Variants in MMP16 observed in about 807,000 individuals in gnomAD.
MMP16 encodes matrix metalloproteinase-16.
In MMP16, 12 loss-of-function variants were observed where a neutral mutation model predicts 67.8. The observed-to-expected ratio is 0.18, with a 90% confidence interval of 0.11 to 0.29. The LOEUF (loss-of-function observed/expected upper bound fraction) is 0.29. Ranked by LOEUF, MMP16 falls within the 10% of genes least tolerant of loss-of-function variation. The pLI is 1.00. For synonymous variants in MMP16, 249 were observed against 255.9 expected, an observed-to-expected ratio of 0.97 and a Z score of 0.26; for missense variants, 475 against 765.7, an observed-to-expected ratio of 0.62 and a Z score of 4.48.
In MMP16 at chr8:88,273,022, A is replaced by T. The variant is rs144560411; in HGVS notation, c.132+54053T>A. ...CAAACAAATCATGTCAGAAAAAGAA[A>T]AACAAAAAAAAAGAAAAAAAAAAAG... is the stretch of plus-strand genomic sequence containing the variant. On this transcript the variant is annotated intron_variant, in intron 1 of 9. Transcript: ENST00000286614. Among the ~76,000 whole-genome samples, 801 of 151,646 alleles carry T rather than the reference A, an allele frequency of 5.3e-3. 9 individuals are homozygous for T. Among genetic ancestry groups the T allele is most frequent in the African/African-American group, 0.019 (765 of 40,968 alleles).
At chr8:88,043,244 G>C (rs916581943) in intron 9 of MMP16, among the ~76,000 whole-genome samples, 3 of 152,096 alleles carry the variant, frequency 2.0e-5, no homozygotes, top group African/African-American at 7.2e-5. Context: ...TCTAGAGACT[G>C]TACACTTAAT....
chr8:88,309,424 T>C (rs1038466386), intron 1 of MMP16, among the ~76,000 whole-genome samples: 2 of 150,762 alleles, frequency 1.3e-5, no homozygotes, highest in Non-Finnish European at 3.0e-5. Context: ...AGAAAGTCTA[T>C]AAAGAGGGAG....
intron 4 of MMP16, among the ~76,000 whole-genome samples, chr8:88,132,065 A>G (rs1361751753): frequency 2.0e-5 from 3 of 151,882 alleles, no homozygotes; most frequent in Middle Eastern, 3.4e-3. Flanking sequence ...GTCCTGCTCT[A>G]TTTTGTTAGT....
chr8:88,275,883 T>C (rs1810642074), intron 1 of MMP16, among the ~76,000 whole-genome samples: 1 of 152,006 alleles, frequency 6.6e-6, no homozygotes, highest in Admixed American at 6.6e-5. Flanking sequence ...ATCCAATTTT[T>C]TTAGCCTTGT....
intron 1 of MMP16, among the ~76,000 whole-genome samples, chr8:88,286,466 C>A (rs1026429007): frequency 6.6e-6 from 1 of 152,122 alleles, no homozygotes; most frequent in African/African-American, 2.4e-5. Flanking sequence ...ATGCCTCAAA[C>A]TCCATATGTT....
chr8:88,260,943 T>C (rs933548591), intron 1 of MMP16, among the ~76,000 whole-genome samples: 4 of 152,164 alleles, frequency 2.6e-5, no homozygotes, highest in Non-Finnish European at 5.9e-5. Flanking sequence ...AATATATTAA[T>C]TTGCAAATTT....
intron 1 of MMP16, among the ~76,000 whole-genome samples, chr8:88,246,316 C>A (rs75605192): frequency 1.3e-5 from 2 of 152,074 alleles, no homozygotes; most frequent in African/African-American, 4.8e-5. Context: ...ATTAAATACA[C>A]GAAATAATTT....
chr8:88,097,074 C>T (rs1809041226), intron 6 of MMP16, among the ~76,000 whole-genome samples: 1 of 151,872 alleles, frequency 6.6e-6, no homozygotes, highest in Non-Finnish European at 1.5e-5. Context: ...CTTCACGTGG[C>T]AGATTTTAAA....
At chr8:88,204,357 G>C (rs932068589) in intron 1 of MMP16, among the ~76,000 whole-genome samples, 3 of 152,050 alleles carry the variant, frequency 2.0e-5, no homozygotes, top group African/African-American at 7.2e-5. Context: ...ACTTCTCCAG[G>C]ATCCTGTGTG....
intron 1 of MMP16, among the ~76,000 whole-genome samples, chr8:88,198,826 C>T (rs1015844537): frequency 1.8e-4 from 27 of 151,928 alleles, no homozygotes; most frequent in Non-Finnish European, 1.8e-4. Flanking sequence ...ATAGTAAAAG[C>T]ATGCCAAGAC....
At chr8:88,052,818 ACT>A (rs1232608090) in intron 8 of MMP16, among the ~76,000 whole-genome samples, 1 of 152,084 alleles carries the variant, frequency 6.6e-6, no homozygotes, top group Non-Finnish European at 1.5e-5. Context: ...ACTTCTTCCT[ACT>A]CAAGTCCCCA....
At chr8:88,196,275 T>C (rs118162780) in intron 2 of MMP16, among the ~76,000 whole-genome samples, 114 of 152,304 alleles carry the variant, frequency 7.5e-4, no homozygotes, top group South Asian at 1.5e-3. Context: ...TATCAAGGAT[T>C]CTAAAAACAC....
chr8:88,206,905 C>T (rs1809437560), intron 1 of MMP16, among the ~76,000 whole-genome samples: 1 of 152,112 alleles, frequency 6.6e-6, no homozygotes, highest in East Asian at 1.9e-4. Context: ...CACATTATTG[C>T]TTCTCCCAGC....
chr8:88,292,986 C>T (rs1469504367), intron 1 of MMP16, among the ~76,000 whole-genome samples: 1 of 152,128 alleles, frequency 6.6e-6, no homozygotes, highest in African/African-American at 2.4e-5. Flanking sequence ...CTACACATGA[C>T]CTCAAGGAGT....
At chr8:88,190,215 A>G (rs1809149166) in intron 2 of MMP16, among the ~76,000 whole-genome samples, 1 of 152,206 alleles carries the variant, frequency 6.6e-6, no homozygotes, top group Non-Finnish European at 1.5e-5. Flanking sequence ...AGAATACTCT[A>G]TGTTAACTTC....
At chr8:88,310,476 A>G (rs751971671) in intron 1 of MMP16, among the ~76,000 whole-genome samples, 10 of 152,130 alleles carry the variant, frequency 6.6e-5, no homozygotes, top group Non-Finnish European at 1.0e-4. Context: ...AGTTAAGAAA[A>G]AGGACAACTA....
chr8:88,268,391 C>T (rs1243844902), intron 1 of MMP16, among the ~76,000 whole-genome samples: 4 of 152,036 alleles, frequency 2.6e-5, no homozygotes, highest in Non-Finnish European at 5.9e-5. Flanking sequence ...CAAAAAAATT[C>T]ATTCATTCGT....
At chr8:88,184,563 GAA>G (rs59310737) in intron 3 of MMP16, among the ~76,000 whole-genome samples, 3 of 10,936 alleles carry the variant, frequency 2.7e-4, no homozygotes, top group Admixed American at 4.4e-3. Context: ...CTCTCTCTCT[GAA>G]AAAAAAAAAA....
chr8:88,056,058 T>C (rs956273314), intron 8 of MMP16, 70 bp downstream of exon 8: 6 of 1,239,810 alleles, frequency 4.8e-6, no homozygotes, highest in Admixed American at 2.7e-5. Flanking sequence ...ATGCCTCTGA[T>C]AGACTAGAAA....
Sources: allele counts gnomAD v4.1 joint callset (sites outside exome capture counted in the v4.1 genomes callset), GRCh38; gene constraint gnomAD v4.1.1; transcripts MANE v1.5; gene names NCBI Gene and HGNC (gene_info 2026-07-23, HGNC 2026-07-21).